Variants in FGF14 observed in about 807,000 individuals in gnomAD.
FGF14 encodes the protein fibroblast growth factor 14, also known as fibroblast growth factor homologous factor 4.
A neutral mutation model predicts 25.5 loss-of-function variants in FGF14; 5 were observed. That is an observed-to-expected ratio of 0.20 (90% confidence interval 0.10 to 0.41). The LOEUF (loss-of-function observed/expected upper bound fraction) is 0.41. Ranked by LOEUF, FGF14 falls within the 10% of genes least tolerant of loss-of-function variation. The pLI is 1.00. For synonymous variants in FGF14, 138 were observed against 118.3 expected, an observed-to-expected ratio of 1.17 and a Z score of -1.08; for missense variants, 222 against 320.1, an observed-to-expected ratio of 0.69 and a Z score of 2.34.
intron 3 of FGF14, among the ~76,000 whole-genome samples, chr13:101,738,104 T>C (rs2036304102): frequency 6.6e-6 from 1 of 152,144 alleles, no homozygotes. Context: ...TTTGATACAA[T>C]AATGCTGTGA....
chr13:102,036,475 G>C (rs2041479204), intron 1 of FGF14, among the ~76,000 whole-genome samples: 2 of 152,176 alleles, frequency 1.3e-5, no homozygotes, highest in South Asian at 4.1e-4. Context: ...TGAAATGGGA[G>C]AGAGGGAAGC....
At position 101,721,633 on chromosome 13, in the gene FGF14, C is replaced by G. The variant is rs1215471824; in HGVS notation, c.*1198G>C. 6.6e-6 allele frequency: 1 copy of G among 152,010 alleles called. No individual in the cohort carries two copies. Among genetic ancestry groups the G allele is most frequent in the Non-Finnish European group, 1.5e-5 (1 of 67,992 alleles). The allele number at this position is 152,010 out of a possible 1,614,324, so 9.4% of individuals were successfully genotyped here. A position where few individuals can be genotyped will look rare whatever the true frequency, so the allele number is the denominator to read the frequency against. On this transcript the variant is annotated 3_prime_UTR_variant, in exon 5 of 5. Transcript: ENST00000376143. ...TAATATGTCCAGTTTAAAAACTTGT[C>G]ATTAAACACCAAAAATATTAAAGTC...
rs961172253 is a variant in FGF14 at position 102,145,915 on chromosome 13, T to C, written c.208+255556A>G. 3.3e-5 allele frequency among the ~76,000 whole-genome samples: 5 copies of C among 152,276 alleles called. No homozygotes were observed. In the East Asian group the frequency reaches 9.7e-4, roughly 29 times the overall value. On this transcript the variant is annotated intron_variant, in intron 1 of 4. Coordinates refer to the FGF14 transcript ENST00000376131. ...CAAACCAGACTACATCCTTGCAAAA[T>C]CATTCCTATTTATTTTTCAATAGCA... is the stretch of plus-strand genomic sequence containing the variant.
chr13:102,354,301 C>T (rs1566957467), intron 1 of FGF14: 1 of 152,156 alleles, frequency 6.6e-6, no homozygotes, highest in Non-Finnish European at 1.5e-5. Flanking sequence ...TTCTTCTCAC[C>T]TATTGTTTAT....
Position 102,276,351 on chromosome 13 carries a change from G to GTATATA in FGF14, c.208+125119_208+125120insTATATA, listed in dbSNP as rs1291212131. On this transcript the variant is annotated intron_variant, in intron 1 of 4. Transcript: ENST00000376131. ...CACGTACGTGTGTGTGTGTGTGTGT[G>GTATATA]TGTATATATATATATATATATATAT... 3.9e-3 allele frequency among the ~76,000 whole-genome samples: 162 copies of GTATATA among 41,624 alleles called. 1 individual carries two copies. Among genetic ancestry groups the GTATATA allele is most frequent in the African/African-American group, 9.8e-3 (148 of 15,072 alleles). 27.3% of individuals were successfully genotyped at this position (41,624 alleles called of 152,430 possible).
intron 1 of FGF14, among the ~76,000 whole-genome samples, chr13:102,120,064 G>A (rs901284832): frequency 2.6e-5 from 4 of 152,112 alleles, no homozygotes; most frequent in African/African-American, 7.2e-5. Context: ...AGCTCTTGAT[G>A]CCTCGTTGAG....
intron 1 of FGF14, among the ~76,000 whole-genome samples, chr13:102,375,754 A>G (rs2058025217): frequency 6.6e-6 from 1 of 152,208 alleles, no homozygotes. Context: ...ATCAGCAATT[A>G]AAGTATCAAT....
At chr13:102,363,411 T>TG in intron 1 of FGF14, among the ~76,000 whole-genome samples, 1 of 152,284 alleles carries the variant, frequency 6.6e-6, no homozygotes, top group East Asian at 1.9e-4. Context: ...GTATTTCACA[T>TG]GGTCAACTGG....
intron 1 of FGF14, among the ~76,000 whole-genome samples, chr13:102,182,373 C>T (rs1386246384): frequency 6.6e-6 from 1 of 152,118 alleles, no homozygotes; most frequent in African/African-American, 2.4e-5. Context: ...TTGATTTTAG[C>T]CCAGTGAGAA....
intron 1 of FGF14, among the ~76,000 whole-genome samples, chr13:102,233,142 T>C (rs561603462): frequency 6.6e-6 from 1 of 152,192 alleles, no homozygotes; most frequent in East Asian, 1.9e-4. Context: ...GTTGTTGTTG[T>C]TGTTGTTTTG....
chr13:102,073,474 C>T (rs1414414768), intron 1 of FGF14, among the ~76,000 whole-genome samples: 1 of 152,084 alleles, frequency 6.6e-6, no homozygotes, highest in African/African-American at 2.4e-5. Flanking sequence ...CCAGTGGTGC[C>T]AGCTAATAAA....
At chr13:102,114,154 C>G (rs2045356516) in intron 1 of FGF14, among the ~76,000 whole-genome samples, 1 of 152,178 alleles carries the variant, frequency 6.6e-6, no homozygotes, top group South Asian at 2.1e-4. Flanking sequence ...GTTTGCATTT[C>G]TTGGATGATT....
At chr13:102,336,846 A>G (rs139354426) in intron 1 of FGF14, among the ~76,000 whole-genome samples, 269 of 152,334 alleles carry the variant, frequency 1.8e-3, no homozygotes, top group African/African-American at 6.2e-3. Context: ...ATAGAACAAT[A>G]AAGCCTGAAT....
intron 2 of FGF14, among the ~76,000 whole-genome samples, chr13:101,871,935 T>C (rs886347216): frequency 7.2e-5 from 11 of 152,056 alleles, no homozygotes; most frequent in African/African-American, 2.7e-4. Context: ...GATCTACATA[T>C]ATTAGACTGG....
intron 1 of FGF14, among the ~76,000 whole-genome samples, chr13:102,089,872 A>T (rs1277463343): frequency 1.3e-5 from 2 of 152,184 alleles, no homozygotes; most frequent in East Asian, 3.8e-4. Context: ...TGCACTGTGT[A>T]GCTATGAAAG....
At chr13:102,361,865 T>G (rs2057575461) in intron 1 of FGF14, among the ~76,000 whole-genome samples, 1 of 152,188 alleles carries the variant, frequency 6.6e-6, no homozygotes, top group South Asian at 2.1e-4. Flanking sequence ...ATAGGATTTT[T>G]TTTTTAATCT....
chr13:102,362,076 T>C (rs933683778), intron 1 of FGF14, among the ~76,000 whole-genome samples: 1 of 152,170 alleles, frequency 6.6e-6, no homozygotes, highest in Admixed American at 6.5e-5. Context: ...CCACTGCTGC[T>C]GGCAGTGTCC....
intron 1 of FGF14, among the ~76,000 whole-genome samples, chr13:102,348,878 C>T (rs1423507810): frequency 1.3e-5 from 2 of 152,136 alleles, no homozygotes; most frequent in Non-Finnish European, 2.9e-5. Flanking sequence ...CGTTTGCATG[C>T]CTTTAGCAAA....
chr13:102,009,235 T>G (rs2039959272), intron 1 of FGF14, among the ~76,000 whole-genome samples: 1 of 152,178 alleles, frequency 6.6e-6, no homozygotes, highest in South Asian at 2.1e-4. Context: ...CACATTTTTA[T>G]TTAGTAATAC....
Sources: allele counts gnomAD v4.1 joint callset (sites outside exome capture counted in the v4.1 genomes callset), GRCh38; gene constraint gnomAD v4.1.1; transcripts MANE v1.5; gene names NCBI Gene and HGNC (gene_info 2026-07-23, HGNC 2026-07-21).